COL28A1: variants seen among roughly 807,000 people sequenced by gnomAD.
The protein encoded by COL28A1 is collagen type XXVIII alpha 1 chain, also known as collagen alpha-1(XXVIII) chain.
In COL28A1, 161 loss-of-function variants were observed where a neutral mutation model predicts 150.2. The ratio of observed to expected loss-of-function variants is 1.07; its 90% CI spans 0.94 to 1.22. The LOEUF is 1.22. Among genes scored for constraint, COL28A1 ranks in the 50% most tolerant of loss-of-function variants. The pLI is 0.00. For missense variants in COL28A1, 1,617 were observed against 1,388.3 expected (o/e 1.16, Z -2.62); for synonymous variants, 552 against 469.7 (o/e 1.18, Z -2.26).
At chr7:7,401,008 G>GTGTC (rs1474957184) in intron 27 of COL28A1, among the ~76,000 whole-genome samples, 1 of 150,118 alleles carries the variant, frequency 6.7e-6, no homozygotes, top group East Asian at 2.0e-4. Flanking sequence ...GTGTGTGTGT[G>GTGTC]TGTGTGTGTG....
At chr7:7,391,581 A>C (rs546173399) in intron 27 of COL28A1, among the ~76,000 whole-genome samples, 4 of 152,222 alleles carry the variant, frequency 2.6e-5, no homozygotes, top group Non-Finnish European at 5.9e-5. Flanking sequence ...GTGCTGTGTA[A>C]AAGTCTCCCA....
At chr7:7,345,220 G>A in the COL28A1 span, among the ~76,000 whole-genome samples, 4 of 151,924 alleles carry the variant, frequency 2.6e-5, no homozygotes, top group Non-Finnish European at 4.4e-5. Context: ...CCTATTAAAA[G>A]TTACATGATG....
chr7:7,474,391 A>G (rs1470135386), intron 15 of COL28A1, among the ~76,000 whole-genome samples: 5 of 152,086 alleles, frequency 3.3e-5, no homozygotes, highest in Non-Finnish European at 5.9e-5. Flanking sequence ...TCACCACTAA[A>G]GAACTTACTC....
intron 8 of COL28A1, chr7:7,511,689 G>A (rs1033451818): frequency 6.4e-6 from 3 of 467,704 alleles, no homozygotes; most frequent in Admixed American, 4.7e-5. Flanking sequence ...AGAACCGTGA[G>A]AGAAAGGTTC....
At chr7:7,539,647 T>C (rs148241027), upstream of COL28A1, among the ~76,000 whole-genome samples, 15 of 152,304 alleles carry the variant, frequency 9.8e-5, no homozygotes, top group African/African-American at 3.6e-4. Context: ...TCATTGGTAA[T>C]AAAATACAGG....
chr7:7,351,835 C>T (rs760648967), downstream of COL28A1, among the ~76,000 whole-genome samples: 2 of 152,022 alleles, frequency 1.3e-5, no homozygotes, highest in Non-Finnish European at 2.9e-5. Flanking sequence ...CCCCCTCTAC[C>T]ATCTGAATGG....
intron 3 of COL28A1, among the ~76,000 whole-genome samples, chr7:7,526,819 G>C (rs1782049765): frequency 6.6e-6 from 1 of 152,070 alleles, no homozygotes; most frequent in Non-Finnish European, 1.5e-5. Context: ...ATTTTTAGTA[G>C]AGACAGGGTT....
chr7:7,440,765 G>C (rs372100275), intron 21 of COL28A1, 25 bp downstream of exon 21: 13 of 1,043,896 alleles, frequency 1.2e-5, no homozygotes, highest in Non-Finnish European at 1.9e-5. Context: ...TCCTCAAAGC[G>C]TAAGTCAGAA....
chr7:7,400,775 C>G (rs1361424358), intron 27 of COL28A1, among the ~76,000 whole-genome samples: 2 of 151,390 alleles, frequency 1.3e-5, no homozygotes, highest in Non-Finnish European at 2.9e-5. Flanking sequence ...TGCCTGTATA[C>G]TTTGTCTTCA....
chr7:7,382,321 A>C (rs1001058497), intron 27 of COL28A1, among the ~76,000 whole-genome samples: 3 of 151,942 alleles, frequency 2.0e-5, no homozygotes, highest in Non-Finnish European at 2.9e-5. Flanking sequence ...AAAAAAAAAA[A>C]CAGAAAAAAA....
chr7:7,400,382 G>C (rs1424412088), intron 27 of COL28A1, among the ~76,000 whole-genome samples: 2 of 152,174 alleles, frequency 1.3e-5, no homozygotes, highest in African/African-American at 4.8e-5. Context: ...AGACAGAAAA[G>C]ATGGAAACCC....
chr7:7,410,741 T>C (rs1328209753), intron 27 of COL28A1, among the ~76,000 whole-genome samples: 2 of 152,184 alleles, frequency 1.3e-5, no homozygotes, highest in Admixed American at 6.5e-5. Flanking sequence ...TATATGTGTG[T>C]TGCTCTCTTC....
intron 11 of COL28A1, among the ~76,000 whole-genome samples, chr7:7,501,164 G>C (rs955136425): frequency 3.9e-5 from 6 of 152,180 alleles, no homozygotes; most frequent in Admixed American, 2.0e-4. Flanking sequence ...TCTTACACTT[G>C]ACTGTACAGC....
At position 7,373,148 on chromosome 7, in the gene COL28A1, T is replaced by C. The variant is rs747935462; in HGVS notation, c.2758A>G (p.Lys920Glu). The change falls in exon 32 of 35, where the codon AAG becomes GAG. Residue 920 changes from lysine to glutamate, a missense_variant. Lys to Glu is a moderately conservative substitution (Grantham distance 56). Coordinates refer to ENST00000399429, the MANE Select transcript of COL28A1 (RefSeq NM_001037763.3). The surrounding 1 kb of genome is among the most constrained non-coding windows in gnomAD (Gnocchi z 4.1). ...RDKEKLTEVV[K>E]NASDTNVEIF... is the part of the protein sequence containing the mutation. ...TCCACATTGGTGTCACTGGCATTCT[T>C]CACCACCTCTGTCAGTTTCTCTTTA... The C allele has an allele frequency of 1.9e-6, 3 of 1,614,254 alleles. No homozygotes were observed. The South Asian group carries it at 3.3e-5, about 18-fold the overall frequency.
chr7:7,409,195 C>T (rs551533468), intron 27 of COL28A1, among the ~76,000 whole-genome samples: 18 of 152,248 alleles, frequency 1.2e-4, no homozygotes, highest in African/African-American at 1.7e-4. Flanking sequence ...TAGTAACTTA[C>T]TTCTGACCAA....
At chr7:7,447,825 T>G (rs1426729020) in intron 18 of COL28A1, among the ~76,000 whole-genome samples, 2 of 152,108 alleles carry the variant, frequency 1.3e-5, no homozygotes, top group Non-Finnish European at 2.9e-5. Flanking sequence ...TGAAAAAGAA[T>G]GAGCAGAGCA....
At chr7:7,446,712 C>T (rs1409845958) in intron 18 of COL28A1, among the ~76,000 whole-genome samples, 1 of 152,140 alleles carries the variant, frequency 6.6e-6, no homozygotes, top group Non-Finnish European at 1.5e-5. Context: ...TTTAAGCTTC[C>T]AATCAAATGC....
intron 30 of COL28A1, among the ~76,000 whole-genome samples, chr7:7,379,898 T>C (rs73674514): frequency 6.6e-6 from 1 of 152,188 alleles, no homozygotes; most frequent in Non-Finnish European, 1.5e-5. Context: ...AGAACACATG[T>C]GCAGTTCTGT....
chr7:7,436,390 C>T lies in COL28A1; in HGVS notation c.1860+5G>A. The T allele has an allele frequency of 3.2e-6, 4 of 1,264,992 alleles. No individual in the cohort carries two copies. The allele number at this position is 1,264,992 out of a possible 1,614,324, so 78.4% of individuals were successfully genotyped here. The stretch of plus-strand genomic sequence containing the variant: ...AAAAACAAAAAGAACATGAATAAAG[C>T]ATACCTTTGGTCCTCGAATAGAAAG... On this transcript the variant is annotated splice_donor_5th_base_variant and intron_variant, in intron 23 of 34. Coordinates refer to ENST00000399429, the MANE Select transcript of COL28A1 (RefSeq NM_001037763.3).
Sources: allele counts gnomAD v4.1 joint callset (sites outside exome capture counted in the v4.1 genomes callset), GRCh38; gene constraint gnomAD v4.1.1; non-coding constraint Gnocchi (gnomAD v3.1); transcripts MANE v1.5; gene names NCBI Gene and HGNC (gene_info 2026-07-23, HGNC 2026-07-21).